PCDHGB4: variants seen among roughly 807,000 people sequenced by gnomAD.
PCDHGB4 encodes the protein protocadherin gamma subfamily B, 4.
A neutral mutation model predicts 60.5 loss-of-function variants in PCDHGB4; 38 were observed. The observed-to-expected ratio is 0.63, with a 90% CI of 0.48 to 0.82. The LOEUF (loss-of-function observed/expected upper bound fraction) is 0.82. Ranked by LOEUF, PCDHGB4 falls within the 40% of genes least tolerant of loss-of-function variation. PCDHGB4 has a pLI of 0.00. For synonymous variants in PCDHGB4, 456 were observed against 509.7 expected (o/e 0.89, Z 1.42); for missense variants, 1,109 against 1,209.6 (o/e 0.92, Z 1.23).
At chr5:141,394,151 C>T in intron 1 of PCDHGB4, 2 of 1,613,900 alleles carry the variant, frequency 1.2e-6, no homozygotes, top group Non-Finnish European at 1.7e-6. Context: ...CAGACATTAA[C>T]GACAACCCTC....
chr5:141,390,047 C>T lies in PCDHGB4; in HGVS notation c.2163C>T (p.Ser721=). 6.2e-7 allele frequency: 1 copy of T among 1,614,074 alleles called. No individual in the cohort carries two copies. Among genetic ancestry groups the T allele is most frequent in the Non-Finnish European group, 8.5e-7 (1 of 1,179,910 alleles). Residue 721 remains serine, a synonymous_variant, in exon 1 of 4, where the codon TCC becomes TCT. Transcript: ENST00000519479. ...TGCGACGCTCCTCCAGCCCCGCCTC[C>T]TGGAGCTGCTTCCAGCCTGGTCTCT... ...LRLRRSSSPA[S]WSCFQPGLCV...
At chr5:141,415,772 T>TTTTTTTTG in intron 1 of PCDHGB4, 1 of 1,332,986 alleles carries the variant, frequency 7.5e-7, no homozygotes. Context: ...TTTTTTTTTT[T>TTTTTTTTG]ACTTTCTGGT....
chr5:141,477,229 C>T lies in PCDHGB4; in HGVS notation c.2398-17578C>T. ...AGGATGCCCCTCTGGGGACTGTCAT[C>T]GCTTTGCTCAGTGTGACTGACCTGG... On this transcript the variant is annotated intron_variant, in intron 1 of 3. Transcript: ENST00000519479. The surrounding 1 kb of genome is among the most constrained non-coding windows in gnomAD (Gnocchi z 4.9). 6.2e-7 allele frequency: 1 copy of T among 1,614,222 alleles called. No homozygotes were observed. Among genetic ancestry groups the T allele is most frequent in the Non-Finnish European group, 8.5e-7 (1 of 1,180,052 alleles).
chr5:141,491,980 C>T lies in PCDHGB4; in HGVS notation c.2398-2827C>T. ...AAAAAAGGCCGGGGCCTCCTTCGAG[C>T]TTCCGGTGAATTTCGGGCGATTTCC... On this transcript the variant is annotated intron_variant, in intron 1 of 3. Transcript: ENST00000519479. The surrounding 1 kb of genome is among the most constrained non-coding windows in gnomAD (Gnocchi z 6.9). The T allele has an allele frequency of 2.5e-6, 2 of 784,432 alleles. No individual in the cohort carries two copies. The highest frequency in any genetic ancestry group is 3.8e-6 in the Non-Finnish European group (2 of 530,588). 48.6% of individuals were successfully genotyped at this position (784,432 alleles called of 1,614,324 possible). A position where few individuals can be genotyped will look rare whatever the true frequency, so the allele number is the denominator to read the frequency against.
At chr5:141,404,233 AG>A (rs2094501302) in intron 1 of PCDHGB4, 1 of 1,613,628 alleles carries the variant, frequency 6.2e-7, no homozygotes, top group African/African-American at 1.3e-5. Flanking sequence ...CAACAGACAG[AG>A]GAACTCCGCC....
chr5:141,460,822 C>A (rs2098998601), intron 1 of PCDHGB4, among the ~76,000 whole-genome samples: 2 of 151,502 alleles, frequency 1.3e-5, no homozygotes, highest in South Asian at 4.1e-4. Context: ...TACATATATA[C>A]ACACTTAAAG....
chr5:141,428,199 C>T (rs760718878), intron 1 of PCDHGB4: 28 of 1,364,510 alleles, frequency 2.1e-5, no homozygotes, highest in Non-Finnish European at 2.9e-5. Flanking sequence ...CTCTCTGCGC[C>T]GCTACGCTTC....
At chr5:141,478,108 G>A (rs1160328367) in intron 1 of PCDHGB4, 1 of 1,614,046 alleles carries the variant, frequency 6.2e-7, no homozygotes, top group Admixed American at 1.7e-5. Flanking sequence ...CCCTCACTGT[G>A]TCAGTAACCG....
At position 141,477,591 on chromosome 5, in the gene PCDHGB4, T is replaced by C; in HGVS notation, c.2398-17216T>C. On this transcript the variant is annotated intron_variant, in intron 1 of 3. Coordinates refer to ENST00000519479, the MANE Select transcript of PCDHGB4 (RefSeq NM_003736.4). This position sits in a 1 kb window ranked among gnomAD's most constrained non-coding sequence, Gnocchi z 4.9. Reference sequence around the variant, plus strand: ...CCCGACGCCCCGCAGAATGCTCGGCTTTCTTTCTTTCTCTTGGAGCAAGGA... The same window carrying C: ...CCCGACGCCCCGCAGAATGCTCGGCCTTCTTTCTTTCTCTTGGAGCAAGGA... The C allele has an allele frequency of 6.2e-7, 1 of 1,614,136 alleles. No homozygotes were observed. The highest frequency in any genetic ancestry group is 8.5e-7 in the Non-Finnish European group (1 of 1,180,016).
chr5:141,498,146 G>A (rs924380243), intron 2 of PCDHGB4, among the ~76,000 whole-genome samples: 1 of 152,200 alleles, frequency 6.6e-6, no homozygotes, highest in Non-Finnish European at 1.5e-5. Context: ...GGACATCCTG[G>A]AAATGAAGTT....
intron 1 of PCDHGB4, chr5:141,415,033 C>G (rs1207811183): frequency 1.2e-6 from 2 of 1,613,456 alleles, no homozygotes; most frequent in South Asian, 1.1e-5. Flanking sequence ...CGAGCCGGGA[C>G]TCTTCGCGGT....
intron 1 of PCDHGB4, among the ~76,000 whole-genome samples, chr5:141,462,023 A>T (rs927945421): frequency 1.3e-5 from 2 of 152,112 alleles, no homozygotes; most frequent in African/African-American, 4.8e-5. Flanking sequence ...GGGTTTCTTC[A>T]TGTTGGTCAG....
chr5:141,419,569 C>T (rs1200109635), intron 1 of PCDHGB4: 3 of 1,611,654 alleles, frequency 1.9e-6, no homozygotes, highest in East Asian at 2.2e-5. Context: ...TGGGTCCCGA[C>T]GGCTCCGCGC....
At chr5:141,506,382 G>T (rs1311307230) in intron 3 of PCDHGB4, among the ~76,000 whole-genome samples, 1 of 151,500 alleles carries the variant, frequency 6.6e-6, no homozygotes, top group East Asian at 1.9e-4. Flanking sequence ...CTGGGAGGTG[G>T]CTGTGGTGAG....
Position 141,486,253 on chromosome 5 carries a change from C to A in PCDHGB4, c.2398-8554C>A. The A allele has an allele frequency of 6.2e-7, 1 of 1,614,138 alleles. No individual in the cohort carries two copies. Among genetic ancestry groups the A allele is most frequent in the Non-Finnish European group, 8.5e-7 (1 of 1,180,006 alleles). On this transcript the variant is annotated intron_variant, in intron 1 of 3. Transcript: ENST00000519479. This position sits in a 1 kb window ranked among gnomAD's most constrained non-coding sequence, Gnocchi z 5.0. ...TGACCTCAGAGCTTGGAACCCTCCC[C>A]GAGAGTGCAGAACCTGGCACTGTGG...
Position 141,392,774 on chromosome 5 carries a change from C to A in PCDHGB4, c.2397+2493C>A, listed in dbSNP as rs752798314. The A allele has an allele frequency of 2.0e-6, 3 of 1,520,452 alleles. No homozygotes were observed. The South Asian group carries it at 3.9e-5, about 20-fold the overall frequency. The allele number at this position is 1,520,452 out of a possible 1,614,324, so 94.2% of individuals were successfully genotyped here. A position where few individuals can be genotyped will look rare whatever the true frequency, so the allele number is the denominator to read the frequency against. On this transcript the variant is annotated intron_variant, in intron 1 of 3. Coordinates refer to ENST00000519479, the MANE Select transcript of PCDHGB4 (RefSeq NM_003736.4). ...AGAAACTAAATAAGACCCATTTATG[C>A]ACAGTGAAGATTCTGAGAGGATTCT...
At chr5:141,465,318 A>G (rs1440554123) in intron 1 of PCDHGB4, among the ~76,000 whole-genome samples, 1 of 152,198 alleles carries the variant, frequency 6.6e-6, no homozygotes, top group Non-Finnish European at 1.5e-5. Flanking sequence ...AGCCATGTCA[A>G]TGCAGTATTT....
intron 1 of PCDHGB4, chr5:141,418,387 G>C (rs1172239604): frequency 1.9e-6 from 3 of 1,613,884 alleles, no homozygotes; most frequent in Non-Finnish European, 2.5e-6. Flanking sequence ...GTCCTAACGA[G>C]TATTTCTCAT....
At chr5:141,416,929 C>T (rs1184470714) in intron 1 of PCDHGB4, 1 of 151,960 alleles carries the variant, frequency 6.6e-6, no homozygotes. Flanking sequence ...TAGTTATTAA[C>T]TATTAAACCA....
Sources: gnomAD v4.1 joint callset for allele counts (sites outside exome capture counted in the v4.1 genomes callset) on GRCh38, gnomAD v4.1.1 for gene constraint, Gnocchi (gnomAD v3.1) non-coding constraint, MANE v1.5 for transcripts, NCBI Gene and HGNC (gene_info 2026-07-23, HGNC 2026-07-21) for gene names.